The following ADGRG4 variants were observed in gnomAD, a reference collection of about 807,000 sequenced individuals.
The protein encoded by ADGRG4 is adhesion G protein-coupled receptor G4.
In ADGRG4, 122 loss-of-function variants were observed where a neutral mutation model predicts 126.2. That is an observed-to-expected ratio of 0.97 (90% CI 0.83 to 1.12). The LOEUF (loss-of-function observed/expected upper bound fraction) is 1.12. Ranked by LOEUF, ADGRG4 falls within the 50% of genes most tolerant of loss-of-function variation. The probability of loss-of-function intolerance (pLI) is 0.00; values close to 1 mark genes in which losing one functional copy is unlikely to be tolerated. For missense variants in ADGRG4, 2,481 were observed against 2,251.8 expected, an observed-to-expected ratio of 1.10 and a Z score of -2.06; for synonymous variants, 943 against 838.7, an observed-to-expected ratio of 1.12 and a Z score of -2.15.
At chrX:136,379,594 C>G (rs1440916686) in intron 15 of ADGRG4, among the ~76,000 whole-genome samples, 14 of 107,888 alleles carry the variant, frequency 1.3e-4, no homozygotes, top group African/African-American at 4.7e-4. Flanking sequence ...TTGCTGTCCT[C>G]TGTTTTCCTT....
chrX:136,403,028 A>T (rs1005787874), intron 21 of ADGRG4, among the ~76,000 whole-genome samples: 2 of 112,596 alleles, frequency 1.8e-5, no homozygotes, highest in Non-Finnish European at 3.7e-5. Context: ...GTTGTATTGG[A>T]GCCATTGGCA....
chrX:136,398,241 C>A (rs1369632175), intron 20 of ADGRG4, among the ~76,000 whole-genome samples: 2 of 111,598 alleles, frequency 1.8e-5, no homozygotes, highest in Non-Finnish European at 3.8e-5. Context: ...ATAAGAGCAC[C>A]AACCCTAAAA....
At chrX:136,413,215 T>C (rs1047266620) in intron 24 of ADGRG4, among the ~76,000 whole-genome samples, 41 of 107,714 alleles carry the variant, frequency 3.8e-4, no homozygotes, top group Middle Eastern at 4.7e-3. Context: ...ATTAGGTATA[T>C]CTCCCGATGC....
Position 136,349,709 on chromosome X carries a change from T to C in ADGRG4, c.6003T>C (p.Ile2001=). 1 of 1,210,768 alleles carries C rather than the reference T, an allele frequency of 8.3e-7. No homozygotes were observed. The highest frequency in any genetic ancestry group is 1.1e-6 in the Non-Finnish European group (1 of 895,005). Residue 2001 remains isoleucine (I), a synonymous_variant, in exon 6 of 26, where the codon ATT becomes ATC. Coordinates refer to ENST00000394143, the MANE Select transcript of ADGRG4 (RefSeq NM_153834.4). ...CTGGTGCCACTTCAGGATCTGTAATTTCAAAGTCACCCATTCTGACATGGC... is the reference window on the plus strand; with the variant it reads ...CTGGTGCCACTTCAGGATCTGTAATCTCAAAGTCACCCATTCTGACATGGC... ...ILSGATSGSV[I]SKSPILTWLL...
rs771915789 is a variant in ADGRG4 at position 136,359,337 on chromosome X, C to T, written c.7026C>T (p.Ser2342=). 2.9e-5 allele frequency: 35 copies of T among 1,204,519 alleles called. No individual in the cohort carries two copies. Among genetic ancestry groups the T allele is most frequent in the South Asian group, 5.3e-5 (3 of 56,210 alleles). The change falls in exon 11 of 26, where the codon TCC becomes TCT. Residue 2342 remains serine, a synonymous_variant. Transcript: ENST00000394143. ...VIIKASSSLA[S]SELMRKIKSK... ...TAAAAGCCAGCTCTTCCTTAGCATC[C>T]TCTGAATTGATGAGAAAAATCAAAA...
intron 23 of ADGRG4, among the ~76,000 whole-genome samples, chrX:136,406,257 G>A (rs948605932): frequency 1.8e-5 from 2 of 112,363 alleles, no homozygotes; most frequent in Non-Finnish European, 3.8e-5. Flanking sequence ...TCACACTCAC[G>A]TTGACTTTTT....
chrX:136,408,358 T>C (rs1037533145), intron 23 of ADGRG4, among the ~76,000 whole-genome samples: 1 of 111,867 alleles, frequency 8.9e-6, no homozygotes, highest in Non-Finnish European at 1.9e-5. Context: ...TTTTTAACCC[T>C]TACTTTTTCC....
At chrX:136,332,009 A>T (rs1569318597) in intron 5 of ADGRG4, among the ~76,000 whole-genome samples, 1 of 107,361 alleles carries the variant, frequency 9.3e-6, no homozygotes, top group East Asian at 2.9e-4. Context: ...TTTAATTTTT[A>T]TTTTTTTTAT....
chrX:136,340,861 G>T (rs889337108), intron 5 of ADGRG4, among the ~76,000 whole-genome samples: 1 of 111,754 alleles, frequency 8.9e-6, no homozygotes, highest in African/African-American at 3.2e-5. Context: ...GGATTTTAAT[G>T]AATGAAGACT....
At chrX:136,342,919 T>A (rs74324739) in intron 5 of ADGRG4, among the ~76,000 whole-genome samples, 7,934 of 81,698 alleles carry the variant, frequency 0.097, 337 homozygotes, top group African/African-American at 0.14. Flanking sequence ...TGTGTGTGTG[T>A]GTGAGAGAGA....
chrX:136,301,929 C>T (rs191190332), intron 1 of ADGRG4, among the ~76,000 whole-genome samples: 2 of 111,690 alleles, frequency 1.8e-5, no homozygotes, highest in African/African-American at 6.5e-5. Context: ...CTGTTCTGTT[C>T]CATTGGTGTA....
intron 4 of ADGRG4, among the ~76,000 whole-genome samples, chrX:136,320,966 G>A (rs1217115323): frequency 9.1e-6 from 1 of 110,371 alleles, no homozygotes; most frequent in Non-Finnish European, 1.9e-5. Flanking sequence ...AGAGAGGAGA[G>A]GCCCTTGTAG....
At chrX:136,389,899 G>A (rs1010136131) in intron 16 of ADGRG4, among the ~76,000 whole-genome samples, 3 of 111,755 alleles carry the variant, frequency 2.7e-5, no homozygotes, top group East Asian at 2.8e-4. Flanking sequence ...ACTGGTTATT[G>A]GGGAAAGAGT....
chrX:136,350,715 G>A (rs937888339), intron 6 of ADGRG4, among the ~76,000 whole-genome samples: 14 of 111,691 alleles, frequency 1.3e-4, no homozygotes, highest in African/African-American at 4.5e-4. Flanking sequence ...GTTCTTGACT[G>A]TCTGACTCTG....
In ADGRG4 at chrX:136,402,611, AT is replaced by A. The variant is rs112434298; in HGVS notation, c.8576-622del. ...AATACAATTGAGAGATAAAGAAATC[AT>A]TTTTTTTTTTGCAAATGTACAAGAA... On this transcript the variant is annotated intron_variant, in intron 21 of 25. Coordinates refer to ENST00000394143, the MANE Select transcript of ADGRG4 (RefSeq NM_153834.4). Among the ~76,000 whole-genome samples the A allele has an allele frequency of 2.7e-3, 288 of 105,251 alleles. 1 individual carries two copies. The highest frequency in any genetic ancestry group is 7.2e-3 in the African/African-American group (210 of 29,128). The allele number at this position is 105,251 out of a possible 115,157, so 91.4% of individuals were successfully genotyped here.
At chrX:136,357,604 T>G in intron 9 of ADGRG4, 100 bp from the exon 10 acceptor site, 1 of 589,174 alleles carries the variant, frequency 1.7e-6, no homozygotes. Flanking sequence ...TACATAAATG[T>G]GAAGCATAAT....
chrX:136,310,782 T>G (rs2074764268), intron 4 of ADGRG4, among the ~76,000 whole-genome samples: 1 of 111,207 alleles, frequency 9.0e-6, no homozygotes, highest in Non-Finnish European at 1.9e-5. Context: ...AAAGAAGAGA[T>G]GAAGACTGAG....
chrX:136,320,183 T>G (rs1319346032), intron 4 of ADGRG4, among the ~76,000 whole-genome samples: 1 of 112,165 alleles, frequency 8.9e-6, no homozygotes, highest in African/African-American at 3.2e-5. Flanking sequence ...TAGTCACTTA[T>G]TGATAGACAT....
chrX:136,312,321 T>C (rs1377351031), intron 4 of ADGRG4, among the ~76,000 whole-genome samples: 1 of 112,088 alleles, frequency 8.9e-6, no homozygotes, highest in Non-Finnish European at 1.9e-5. Context: ...TGAGAAAAGA[T>C]ATTTGTTTTA....
Sources: allele counts gnomAD v4.1 joint callset (sites outside exome capture counted in the v4.1 genomes callset), GRCh38; gene constraint gnomAD v4.1.1; transcripts MANE v1.5; gene names NCBI Gene and HGNC (gene_info 2026-07-23, HGNC 2026-07-21).